Variants in ERI3 observed in about 807,000 individuals in gnomAD.
ERI3 encodes the protein ERI1 exoribonuclease family member 3.
A neutral mutation model predicts 44.4 loss-of-function variants in ERI3; 18 were observed. That is an observed-to-expected ratio of 0.41 (90% CI 0.28 to 0.60). The LOEUF (loss-of-function observed/expected upper bound fraction) is 0.60, where lower values mean the gene tolerates loss of function less well. Ranked by LOEUF, ERI3 falls within the 20% of genes least tolerant of loss-of-function variation. The pLI is 0.36. For missense variants in ERI3, 294 were observed against 435.5 expected (o/e 0.68, Z 2.89); for synonymous variants, 183 against 164.8 (o/e 1.11, Z -0.84).
At chr1:44,278,278 A>ACCAG (rs1645218970) in intron 7 of ERI3, among the ~76,000 whole-genome samples, 1 of 152,104 alleles carries the variant, frequency 6.6e-6, no homozygotes, top group Non-Finnish European at 1.5e-5. Context: ...GGAGTTGGAA[A>ACCAG]CCAGCCTGAA....
intron 3 of ERI3, among the ~76,000 whole-genome samples, chr1:44,331,119 T>C (rs940373091): frequency 1.3e-5 from 2 of 152,130 alleles, no homozygotes; most frequent in Non-Finnish European, 2.9e-5. Context: ...TCCACCCCCA[T>C]GCCCTCCAGT....
Position 44,339,315 on chromosome 1 carries a change from AT to A in ERI3, c.218del (p.Asp73ValfsTer8). ...GTGCTAGCATTGAACATCCAGAAGC[AT>A]CTAAAACTTAGGGGAGGAAAGTTTA... ...LGIFEVRRVL[D>X]ASGCSMLAPL... On this transcript the variant is annotated frameshift_variant, in exon 3 of 9. Transcript: ENST00000372257. LOFTEE classifies it high-confidence loss of function. The A allele has an allele frequency of 2.0e-6, 3 of 1,498,570 alleles. No individual in the cohort carries two copies. The highest frequency in any genetic ancestry group is 2.7e-6 in the Non-Finnish European group (3 of 1,116,112). The allele number at this position is 1,498,570 out of a possible 1,614,324, so 92.8% of individuals were successfully genotyped here.
chr1:44,284,937 T>G (rs749130683), intron 6 of ERI3, 30 bp from the exon 7 acceptor site: 2 of 1,593,696 alleles, frequency 1.3e-6, no homozygotes, highest in South Asian at 1.1e-5. Flanking sequence ...GAGAACAAGT[T>G]GGGCGCATCC....
Position 44,240,310 on chromosome 1 carries a change from G to C in ERI3, c.931+7629C>G, listed in dbSNP as rs530506332. On this transcript the variant is annotated intron_variant, in intron 8 of 8. Transcript: ENST00000372257. ...GTCCCCTTTGGCCTGGTTCAGCCTGGCTTGGGCTGGTTTAGCCTAGTAGGA... is the reference window on the plus strand; with the variant it reads ...GTCCCCTTTGGCCTGGTTCAGCCTGCCTTGGGCTGGTTTAGCCTAGTAGGA... Among the ~76,000 whole-genome samples the C allele has an allele frequency of 1.4e-4, 22 of 152,348 alleles. 1 individual carries two copies. The South Asian group carries it at 4.6e-3, about 32-fold the overall frequency.
At chr1:44,333,606 C>A (rs1467799380) in intron 3 of ERI3, among the ~76,000 whole-genome samples, 2 of 152,194 alleles carry the variant, frequency 1.3e-5, no homozygotes, top group African/African-American at 4.8e-5. Context: ...GGGGAGGCAG[C>A]ACGTGGGGTT....
chr1:44,296,413 CAT>C (rs1449748477), intron 6 of ERI3, among the ~76,000 whole-genome samples: 1 of 152,166 alleles, frequency 6.6e-6, no homozygotes, highest in Admixed American at 6.5e-5. Context: ...CCTCCAGCCA[CAT>C]ACACCAGGAA....
Position 44,294,654 on chromosome 1 carries a change from A to G in ERI3, c.759-9747T>C, listed in dbSNP as rs1043566019. ...GCCTGGCCAGAGCTCTCTTTCCTAG[A>G]TGGAATGGCAGAAGCCCCAGTAGGG... On this transcript the variant is annotated intron_variant, in intron 6 of 8. Coordinates refer to ENST00000372257, the MANE Select transcript of ERI3 (RefSeq NM_024066.3). Among the ~76,000 whole-genome samples, 16 of 152,344 alleles carry G rather than the reference A, an allele frequency of 1.1e-4. 2 individuals are homozygous for G. Among genetic ancestry groups the G allele is most frequent in the Admixed American group, 5.2e-4 (8 of 15,310 alleles).
chr1:44,294,110 C>T (rs1335457057), intron 6 of ERI3, among the ~76,000 whole-genome samples: 3 of 152,254 alleles, frequency 2.0e-5, no homozygotes, highest in African/African-American at 7.2e-5. Context: ...ATTTAATTTC[C>T]TCTTGGTTTC....
chr1:44,320,913 G>C (rs1225253346), intron 3 of ERI3, among the ~76,000 whole-genome samples: 1 of 152,216 alleles, frequency 6.6e-6, no homozygotes, highest in East Asian at 1.9e-4. Flanking sequence ...TGCCTATTCA[G>C]TGACCCTAAT....
At chr1:44,271,755 C>G (rs1557807006) in intron 7 of ERI3, among the ~76,000 whole-genome samples, 1 of 152,150 alleles carries the variant, frequency 6.6e-6, no homozygotes, top group Non-Finnish European at 1.5e-5. Context: ...AGTAACTTGT[C>G]CAAGATCATA....
intron 2 of ERI3, among the ~76,000 whole-genome samples, chr1:44,339,902 G>T (rs1646615944): frequency 6.6e-6 from 1 of 152,158 alleles, no homozygotes. Context: ...ACAGGGGTTT[G>T]CTCTGACATT....
intron 3 of ERI3, among the ~76,000 whole-genome samples, chr1:44,327,763 C>A (rs903288086): frequency 3.3e-5 from 5 of 152,220 alleles, no homozygotes; most frequent in Admixed American, 2.0e-4. Flanking sequence ...AAAGCCTGTT[C>A]CATCAGTCAC....
chr1:44,221,564 C>G lies in ERI3; in HGVS notation c.1008G>C (p.Pro336=). 6.2e-7 allele frequency: 1 copy of G among 1,613,906 alleles called. No individual in the cohort carries two copies. The highest frequency in any genetic ancestry group is 1.3e-5 in the African/African-American group (1 of 75,040). ...CCATCCTGTCCTCGGCCAATCAGAA[C>G]GGCTTCGATGTCTGCTTGAAGATGA... ...RGFIFKQTSK[P]F is the part of the protein sequence containing the mutation. Residue 336 remains proline (P), a synonymous_variant, in exon 9 of 9, where the codon CCG becomes CCC. Coordinates refer to ENST00000372257, the MANE Select transcript of ERI3 (RefSeq NM_024066.3). This position sits in a 1 kb window ranked among gnomAD's most constrained non-coding sequence, Gnocchi z 5.9.
chr1:44,261,339 G>A (rs976301687), intron 7 of ERI3, among the ~76,000 whole-genome samples: 1 of 152,244 alleles, frequency 6.6e-6, no homozygotes, highest in Non-Finnish European at 1.5e-5. Context: ...TCAAGCTCAC[G>A]CAGGCCGCCA....
chr1:44,324,504 C>T (rs1259927624), intron 3 of ERI3, among the ~76,000 whole-genome samples: 2 of 105,070 alleles, frequency 1.9e-5, no homozygotes, highest in East Asian at 6.6e-4. Flanking sequence ...TTTTTTGAGA[C>T]GGAGTCTCGC....
At chr1:44,292,967 A>C (rs555358446) in intron 6 of ERI3, among the ~76,000 whole-genome samples, 34 of 152,358 alleles carry the variant, frequency 2.2e-4, no homozygotes, top group African/African-American at 8.2e-4. Flanking sequence ...GTGTGCGTGA[A>C]GCAGGAGCAC....
At chr1:44,232,306 G>A (rs1427204256) in intron 8 of ERI3, among the ~76,000 whole-genome samples, 1 of 152,010 alleles carries the variant, frequency 6.6e-6, no homozygotes, top group Non-Finnish European at 1.5e-5. Flanking sequence ...GTTGGTAACC[G>A]TTTTTTTCTT....
chr1:44,324,476 C>CTTTTTTTTTTTTTTTT (rs35475844), intron 3 of ERI3, among the ~76,000 whole-genome samples: 1 of 90,432 alleles, frequency 1.1e-5, no homozygotes, highest in Non-Finnish European at 2.1e-5. Flanking sequence ...AACATAGACT[C>CTTTTTTTTTTTTTTTT]TTTTTTTTTT....
chr1:44,351,066 C>T (rs1488923063), intron 2 of ERI3, among the ~76,000 whole-genome samples: 3 of 150,332 alleles, frequency 2.0e-5, no homozygotes, highest in South Asian at 2.1e-4. Context: ...CAGAGTCTTG[C>T]TCTGTCACCC....
Sources: gnomAD v4.1 joint callset for allele counts (sites outside exome capture counted in the v4.1 genomes callset) on GRCh38, gnomAD v4.1.1 for gene constraint, Gnocchi (gnomAD v3.1) non-coding constraint, MANE v1.5 for transcripts, NCBI Gene and HGNC (gene_info 2026-07-23, HGNC 2026-07-21) for gene names.